The following SPIN1 variants were observed in gnomAD, a reference collection of about 807,000 sequenced individuals.
SPIN1 encodes spindlin 1.
In SPIN1, 3 loss-of-function variants were observed where a neutral mutation model predicts 26.0. That is an observed-to-expected ratio of 0.12 (90% CI 0.05 to 0.30). The LOEUF (loss-of-function observed/expected upper bound fraction) is 0.30. SPIN1 is among the 10% of genes least tolerant of loss of function. The pLI, the probability that SPIN1 is intolerant of heterozygous loss-of-function variation, is 1.00. For synonymous variants in SPIN1, 101 were observed against 116.5 expected, an observed-to-expected ratio of 0.87 and a Z score of 0.86; for missense variants, 126 against 333.4, an observed-to-expected ratio of 0.38 and a Z score of 4.84.
chr9:88,397,589 T>C lies in SPIN1; in HGVS notation c.-159+9051T>C, dbSNP rs376720674. ...AGATAAAGAGATTGGACTGTACTGATATTCATCACCGACTCCAACAAGCAT... is the reference window on the plus strand; with the variant it reads ...AGATAAAGAGATTGGACTGTACTGACATTCATCACCGACTCCAACAAGCAT... On this transcript the variant is annotated intron_variant, in intron 1 of 5. Transcript: ENST00000375859. Among the ~76,000 whole-genome samples, 5 of 152,138 alleles carry C rather than the reference T, an allele frequency of 3.3e-5. No homozygotes were observed. In the South Asian group the frequency reaches 8.3e-4, roughly 25 times the overall value.
chr9:88,399,245 G>A (rs1827136717), intron 1 of SPIN1, among the ~76,000 whole-genome samples: 1 of 151,990 alleles, frequency 6.6e-6, no homozygotes, highest in Non-Finnish European at 1.5e-5. Context: ...TGTTGGCCAG[G>A]CTGGTCTTGA....
chr9:88,406,312 T>C (rs1274919276), intron 1 of SPIN1, among the ~76,000 whole-genome samples: 11 of 150,178 alleles, frequency 7.3e-5, no homozygotes, highest in African/African-American at 2.4e-4. Context: ...TTTTTTTGAG[T>C]TGGAGTCTCG....
rs564684231 is a variant in SPIN1, at chr9:88,395,298, A to T, written c.-159+6760A>T. ...TTTTTGCAAATGTAAGCATATGTGT[A>T]TATTTTTGTTTCCCTTTCCTACACA... On this transcript the variant is annotated intron_variant, in intron 1 of 5. Coordinates refer to ENST00000375859, the MANE Select transcript of SPIN1 (RefSeq NM_006717.3). Among the ~76,000 whole-genome samples the T allele has an allele frequency of 1.4e-4, 22 of 151,930 alleles. 2 individuals carry two copies. Among genetic ancestry groups the T allele is most frequent in the African/African-American group, 4.8e-4 (20 of 41,416 alleles).
intron 2 of SPIN1, among the ~76,000 whole-genome samples, chr9:88,444,630 T>A (rs543382591): frequency 3.4e-4 from 51 of 152,094 alleles, no homozygotes; most frequent in African/African-American, 1.2e-3. Flanking sequence ...TCAGGGATAG[T>A]GATGGTGGTC....
At chr9:88,389,914 A>G (rs1287352753) in intron 1 of SPIN1, among the ~76,000 whole-genome samples, 1 of 151,276 alleles carries the variant, frequency 6.6e-6, no homozygotes, top group East Asian at 1.9e-4. Context: ...GCTTCTTCCA[A>G]CCTCCCCACT....
chr9:88,416,024 G>A (rs1413989431), intron 1 of SPIN1, among the ~76,000 whole-genome samples: 1 of 151,076 alleles, frequency 6.6e-6, no homozygotes, highest in Non-Finnish European at 1.5e-5. Flanking sequence ...CCAAAGTGCT[G>A]CCATTACAGG....
At chr9:88,474,244 G>A (rs1298883243) in intron 5 of SPIN1, among the ~76,000 whole-genome samples, 20 of 152,186 alleles carry the variant, frequency 1.3e-4, no homozygotes, top group Non-Finnish European at 1.5e-5. Flanking sequence ...CCCATGCAGA[G>A]TTTCTTAAAA....
chr9:88,426,430 T>G lies in SPIN1; in HGVS notation c.-110T>G. 1 of 800,520 alleles carries G rather than the reference T, an allele frequency of 1.2e-6. No homozygotes were observed. Among genetic ancestry groups the G allele is most frequent in the Non-Finnish European group, 2.0e-6 (1 of 489,968 alleles). The allele number at this position is 800,520 out of a possible 1,614,324, so 49.6% of individuals were successfully genotyped here. A position where few individuals can be genotyped will look rare whatever the true frequency, so the allele number is the denominator to read the frequency against. On this transcript the variant is annotated 5_prime_UTR_variant, in exon 2 of 6. Coordinates refer to ENST00000375859, the MANE Select transcript of SPIN1 (RefSeq NM_006717.3). ...TTGCTGAACTCGTAAAAGAGACACT[T>G]GGATGGTGGATTAACCAGAACACTA...
intron 1 of SPIN1, among the ~76,000 whole-genome samples, chr9:88,413,060 A>G (rs1827484474): frequency 6.8e-6 from 1 of 147,306 alleles, no homozygotes; most frequent in South Asian, 2.1e-4. Context: ...AGATATTAAA[A>G]TTAAGTTTTT....
chr9:88,444,979 C>T (rs1201823956), intron 2 of SPIN1, among the ~76,000 whole-genome samples: 1 of 152,176 alleles, frequency 6.6e-6, no homozygotes, highest in South Asian at 2.1e-4. Context: ...CAGGCGTGAG[C>T]CACGCGCCCA....
intron 2 of SPIN1, among the ~76,000 whole-genome samples, chr9:88,447,054 G>C (rs921696364): frequency 6.6e-5 from 10 of 151,970 alleles, no homozygotes; most frequent in Non-Finnish European, 1.2e-4. Flanking sequence ...CTATGTGTTA[G>C]GCCAGTTGAT....
At chr9:88,407,647 A>T (rs1827337840) in intron 1 of SPIN1, among the ~76,000 whole-genome samples, 2 of 150,212 alleles carry the variant, frequency 1.3e-5, no homozygotes, top group African/African-American at 4.9e-5. Flanking sequence ...CTCATCTCTA[A>T]TTTTTTTTTA....
At position 88,475,449 on chromosome 9, in the gene SPIN1, G is replaced by A. The variant is rs1215819004; in HGVS notation, c.*172G>A. The A allele has an allele frequency of 7.3e-6, 4 of 550,060 alleles. No individual in the cohort carries two copies. The highest frequency in any genetic ancestry group is 1.9e-5 in the African/African-American group (1 of 52,200). The allele number at this position is 550,060 out of a possible 1,614,324, so 34.1% of individuals were successfully genotyped here. ...TAGTACAGATTGATGTGAACACAAA[G>A]CATTTTGTGTAAGGAGAACCCCTTT... On this transcript the variant is annotated 3_prime_UTR_variant, in exon 6 of 6. Transcript: ENST00000375859.
intron 1 of SPIN1, among the ~76,000 whole-genome samples, chr9:88,414,050 T>C (rs1248811627): frequency 6.7e-6 from 1 of 149,734 alleles, no homozygotes; most frequent in Non-Finnish European, 1.5e-5. Context: ...AAAATACAAA[T>C]TAGGACCAAC....
chr9:88,444,345 A>G (rs970966847), intron 2 of SPIN1, among the ~76,000 whole-genome samples: 4 of 141,544 alleles, frequency 2.8e-5, no homozygotes, highest in Non-Finnish European at 4.5e-5. Flanking sequence ...GGTTCCTGCC[A>G]TTCTCCTGCC....
At chr9:88,467,847 AAAAAAAAAAAC>A (rs1483628252) in intron 4 of SPIN1, among the ~76,000 whole-genome samples, 66 of 141,660 alleles carry the variant, frequency 4.7e-4, no homozygotes, top group Middle Eastern at 3.6e-3. Context: ...AATTTCTTTA[AAAAAAAAAAAC>A]AAAAAAAAAA....
chr9:88,400,640 G>A (rs1334771645), intron 1 of SPIN1, among the ~76,000 whole-genome samples: 1 of 152,182 alleles, frequency 6.6e-6, no homozygotes, highest in Admixed American at 6.5e-5. Flanking sequence ...GAGGTAAGGA[G>A]TTTGAGACCA....
At position 88,478,652 on chromosome 9, in the gene SPIN1, T is replaced by C. The variant is rs1296749858; in HGVS notation, c.*3375T>C. 1 of 152,232 alleles carries C rather than the reference T, an allele frequency of 6.6e-6. No individual in the cohort carries two copies. The highest frequency in any genetic ancestry group is 1.9e-4 in the East Asian group (1 of 5,204). 9.4% of individuals were successfully genotyped at this position (152,232 alleles called of 1,614,324 possible). ...AATTTTTATAATTATGATGTAACTCTATCTTATCCTTAAAACATTTAAAAT... is the reference window on the plus strand; with the variant it reads ...AATTTTTATAATTATGATGTAACTCCATCTTATCCTTAAAACATTTAAAAT... On this transcript the variant is annotated 3_prime_UTR_variant, in exon 6 of 6. Coordinates refer to ENST00000375859, the MANE Select transcript of SPIN1 (RefSeq NM_006717.3).
intron 5 of SPIN1, among the ~76,000 whole-genome samples, chr9:88,469,331 TCC>T (rs1156328863): frequency 6.6e-6 from 1 of 152,212 alleles, no homozygotes; most frequent in Non-Finnish European, 1.5e-5. Flanking sequence ...TGTCTGGGAC[TCC>T]TGATTTAGAG....
Sources: allele counts gnomAD v4.1 joint callset (sites outside exome capture counted in the v4.1 genomes callset), GRCh38; gene constraint gnomAD v4.1.1; transcripts MANE v1.5; gene names NCBI Gene and HGNC (gene_info 2026-07-23, HGNC 2026-07-21).